The following KAZN variants were observed in gnomAD, a reference collection of about 807,000 sequenced individuals.
KAZN encodes kazrin.
In KAZN, 40 loss-of-function variants were observed where a neutral mutation model predicts 87.4. That is an observed-to-expected ratio of 0.46 (90% confidence interval 0.36 to 0.60). KAZN has a LOEUF of 0.60. KAZN is among the 20% of genes least tolerant of loss of function. The probability of loss-of-function intolerance (pLI) is 0.00; values close to 1 mark genes in which losing one functional copy is unlikely to be tolerated. For missense variants in KAZN, 898 were observed against 1,073.9 expected (o/e 0.84, Z 2.29); for synonymous variants, 466 against 458.3 (o/e 1.02, Z -0.22).
intron 1 of KAZN, among the ~76,000 whole-genome samples, chr1:13,942,570 AAATGTATATAT>A (rs1557735800): frequency 1.2e-4 from 13 of 111,000 alleles, no homozygotes; most frequent in African/African-American, 4.5e-4. Flanking sequence ...AAAAAAAAAA[AAATGTATATAT>A]ATAATTCACC....
At chr1:14,305,472 C>T (rs1021838505) in intron 2 of KAZN, among the ~76,000 whole-genome samples, 3 of 152,070 alleles carry the variant, frequency 2.0e-5, no homozygotes, top group East Asian at 3.9e-4. Flanking sequence ...CAAGCAAATA[C>T]GATCCTGCAG....
exon 2 of KAZN, chr1:14,180,515 G>T (rs1358950719): frequency 6.5e-7 from 1 of 1,550,344 alleles, no homozygotes; most frequent in South Asian, 1.2e-5. Context: ...GGAGGACAAA[G>T]ACCCTTTTCT....
At chr1:14,899,892 G>A (rs796252422) in intron 1 of KAZN, among the ~76,000 whole-genome samples, 25 of 152,304 alleles carry the variant, frequency 1.6e-4, no homozygotes, top group African/African-American at 5.1e-4. Flanking sequence ...GGTTCCTATC[G>A]CCCTCTCTCC....
chr1:14,907,076 A>G (rs2807560), intron 1 of KAZN, among the ~76,000 whole-genome samples: 135,786 of 151,494 alleles, frequency 0.9, 60,913 homozygotes, highest in South Asian at 0.91. Flanking sequence ...TAGAAGTGCA[A>G]GTGCACTTCT....
chr1:14,944,360 T>C (rs1661490842), intron 1 of KAZN, among the ~76,000 whole-genome samples: 1 of 152,236 alleles, frequency 6.6e-6, no homozygotes. Flanking sequence ...TTTCTAGTCC[T>C]GAAAGGTTGT....
chr1:14,239,409 G>A (rs1159983677), intron 2 of KAZN, among the ~76,000 whole-genome samples: 1 of 148,622 alleles, frequency 6.7e-6, no homozygotes. Context: ...AGTTTGAGCT[G>A]ACTTTTGTTT....
chr1:14,381,879 A>C (rs1661398063), intron 2 of KAZN, among the ~76,000 whole-genome samples: 1 of 152,206 alleles, frequency 6.6e-6, no homozygotes, highest in Non-Finnish European at 1.5e-5. Context: ...GGAAAGGAAG[A>C]AGTCAAATAT....
intron 2 of KAZN, among the ~76,000 whole-genome samples, chr1:14,353,535 T>A (rs2100950228): frequency 6.6e-6 from 1 of 152,272 alleles, no homozygotes; most frequent in East Asian, 1.9e-4. Context: ...ACTTTCTATG[T>A]AGAAAACTTG....
At chr1:14,207,504 C>T (rs963030597) in intron 2 of KAZN, among the ~76,000 whole-genome samples, 3 of 152,178 alleles carry the variant, frequency 2.0e-5, no homozygotes, top group African/African-American at 4.8e-5. Flanking sequence ...CCTACACTTG[C>T]ACAATATGAT....
At chr1:13,933,087 C>G (rs540187907) in intron 1 of KAZN, among the ~76,000 whole-genome samples, 1 of 152,252 alleles carries the variant, frequency 6.6e-6, no homozygotes, top group Non-Finnish European at 1.5e-5. Flanking sequence ...TTGTACATGA[C>G]TATCACGTAA....
At chr1:14,531,458 C>T (rs1672204239) in intron 2 of KAZN, among the ~76,000 whole-genome samples, 1 of 152,124 alleles carries the variant, frequency 6.6e-6, no homozygotes, top group African/African-American at 2.4e-5. Context: ...AAGAACTCGG[C>T]AGAACCCATC....
chr1:14,864,654 A>G (rs1651248748), intron 1 of KAZN, among the ~76,000 whole-genome samples: 1 of 152,154 alleles, frequency 6.6e-6, no homozygotes, highest in African/African-American at 2.4e-5. Context: ...AATGGTGGCA[A>G]AAGCCTGGCA....
At chr1:14,941,740 C>G (rs1661105312) in intron 1 of KAZN, among the ~76,000 whole-genome samples, 1 of 152,196 alleles carries the variant, frequency 6.6e-6, no homozygotes, top group Non-Finnish European at 1.5e-5. Flanking sequence ...ATGCCGAAAG[C>G]TGAAAACGCT....
At chr1:14,445,642 C>A (rs116222161) in intron 2 of KAZN, among the ~76,000 whole-genome samples, 2,949 of 152,176 alleles carry the variant, frequency 0.019, 103 homozygotes, top group African/African-American at 0.068. Context: ...GTCTGGGAAG[C>A]CTGGCTGGTG....
chr1:14,915,042 C>T (rs1028037005), intron 1 of KAZN, among the ~76,000 whole-genome samples: 1 of 152,074 alleles, frequency 6.6e-6, no homozygotes, highest in African/African-American at 2.4e-5. Context: ...ACAAAATTAG[C>T]CGGGCGTGGT....
chr1:14,246,347 A>AT (rs1260149916), intron 2 of KAZN, among the ~76,000 whole-genome samples: 2 of 152,112 alleles, frequency 1.3e-5, no homozygotes, highest in Admixed American at 6.5e-5. Flanking sequence ...AATATATAGT[A>AT]TTTTTTGTTG....
At position 15,114,655 on chromosome 1, in the gene KAZN, G is replaced by C. The variant is rs1243379062; in HGVS notation, c.*20G>C. The C allele has an allele frequency of 6.4e-7, 1 of 1,564,688 alleles. No homozygotes were observed. Among genetic ancestry groups the C allele is most frequent in the South Asian group, 1.2e-5 (1 of 84,834 alleles). ...GTGTAAGGAACTGGTGGCTCCACCA[G>C]ACCCAACGTGAGAGACCCAGGAAGG... is the stretch of plus-strand genomic sequence containing the variant. On this transcript the variant is annotated 3_prime_UTR_variant, in exon 15 of 15. Transcript: ENST00000376030.
intron 1 of KAZN, among the ~76,000 whole-genome samples, chr1:14,908,070 C>T (rs1372879560): frequency 2.0e-5 from 3 of 152,150 alleles, no homozygotes; most frequent in Admixed American, 6.5e-5. Flanking sequence ...AGCCAAGAGG[C>T]GGTTCTAGAG....
At chr1:14,573,406 T>C (rs1674988373) in intron 2 of KAZN, among the ~76,000 whole-genome samples, 1 of 152,164 alleles carries the variant, frequency 6.6e-6, no homozygotes, top group Non-Finnish European at 1.5e-5. Flanking sequence ...CACAGCACTT[T>C]GGCAGGCCGA....
Sources: gnomAD v4.1 joint callset for allele counts (sites outside exome capture counted in the v4.1 genomes callset) on GRCh38, gnomAD v4.1.1 for gene constraint, MANE v1.5 for transcripts, NCBI Gene and HGNC (gene_info 2026-07-23, HGNC 2026-07-21) for gene names.